The following SHQ1 variants were observed in gnomAD, a reference collection of about 807,000 sequenced individuals.
SHQ1 encodes SHQ1, H/ACA ribonucleoprotein assembly factor.
Under a neutral mutation model 53.8 loss-of-function variants are expected in SHQ1, and 49 were observed. The ratio of observed to expected loss-of-function variants is 0.91; its 90% CI spans 0.72 to 1.16. The LOEUF (loss-of-function observed/expected upper bound fraction) is 1.16, where lower values mean the gene tolerates loss of function less well. SHQ1 is among the 50% of genes most tolerant of loss of function. The pLI is 0.00. For missense variants in SHQ1, 738 were observed against 683.1 expected (o/e 1.08, Z -0.90); for synonymous variants, 243 against 251.0 (o/e 0.97, Z 0.30).
chr3:72,784,407 G>A (rs1027968138), intron 10 of SHQ1, among the ~76,000 whole-genome samples: 3 of 152,156 alleles, frequency 2.0e-5, no homozygotes, highest in Non-Finnish European at 2.9e-5. Context: ...TGGTGATAAG[G>A]TACAGAACCA....
At chr3:72,812,634 T>C (rs1203113825) in intron 9 of SHQ1, 37 bp downstream of exon 9, 1 of 1,608,056 alleles carries the variant, frequency 6.2e-7, no homozygotes, top group South Asian at 1.1e-5. Flanking sequence ...CTTACAACTT[T>C]TTCCCTCCCA....
chr3:72,795,758 A>C (rs2062706084), intron 9 of SHQ1, among the ~76,000 whole-genome samples: 1 of 152,202 alleles, frequency 6.6e-6, no homozygotes, highest in Admixed American at 6.5e-5. Context: ...ACACCTCCAG[A>C]ATACTCTCTC....
chr3:72,733,640 C>T, the SHQ1 span, among the ~76,000 whole-genome samples: 2 of 151,638 alleles, frequency 1.3e-5, no homozygotes, highest in African/African-American at 2.4e-5. Context: ...ACCCACATTT[C>T]ACAGACATAT....
intron 8 of SHQ1, among the ~76,000 whole-genome samples, chr3:72,813,494 G>A (rs562887579): frequency 1.3e-4 from 20 of 148,170 alleles, no homozygotes; most frequent in East Asian, 6.0e-4. Flanking sequence ...GGCCGGGTGC[G>A]GTGGCTCATG....
At chr3:72,821,401 G>A (rs763349451) in intron 6 of SHQ1, among the ~76,000 whole-genome samples, 1 of 152,170 alleles carries the variant, frequency 6.6e-6, no homozygotes, top group East Asian at 1.9e-4. Context: ...GAAGCACGGC[G>A]TTTAACACTT....
At chr3:72,804,585 ACT>A (rs1251038595) in intron 9 of SHQ1, among the ~76,000 whole-genome samples, 2 of 152,132 alleles carry the variant, frequency 1.3e-5, no homozygotes, top group East Asian at 3.8e-4. Flanking sequence ...TATCCTTGTA[ACT>A]CTTCACCAAT....
At chr3:72,805,981 G>A (rs1706930477) in intron 9 of SHQ1, among the ~76,000 whole-genome samples, 1 of 152,128 alleles carries the variant, frequency 6.6e-6, no homozygotes, top group African/African-American at 2.4e-5. Flanking sequence ...AGAAGTATTA[G>A]GGGGAAAGAG....
chr3:72,753,708 A>G (rs1204539824), intron 10 of SHQ1: 2 of 859,944 alleles, frequency 2.3e-6, no homozygotes, highest in African/African-American at 3.6e-5. Flanking sequence ...CACTAGAGTC[A>G]GTTAATGATT....
intron 10 of SHQ1, 119 bp from the exon 11 acceptor site, chr3:72,750,955 A>G (rs1705353345): frequency 6.7e-6 from 5 of 745,166 alleles, no homozygotes; most frequent in Non-Finnish European, 6.3e-6. Context: ...ACACCAGGAT[A>G]TATATCATAA....
intron 10 of SHQ1, among the ~76,000 whole-genome samples, chr3:72,761,421 C>G (rs1705606870): frequency 6.6e-6 from 1 of 152,158 alleles, no homozygotes; most frequent in African/African-American, 2.4e-5. Flanking sequence ...ACCCTCCTGC[C>G]CCAGCCTCCC....
At chr3:72,834,621 T>C (rs1205668297) in intron 4 of SHQ1, among the ~76,000 whole-genome samples, 1 of 152,228 alleles carries the variant, frequency 6.6e-6, no homozygotes, top group Non-Finnish European at 1.5e-5. Flanking sequence ...TTACTGGCTG[T>C]CTCCAAACTT....
chr3:72,765,558 T>TATATATATA (rs1491541493), intron 10 of SHQ1, among the ~76,000 whole-genome samples: 5 of 63,524 alleles, frequency 7.9e-5, no homozygotes, highest in East Asian at 7.9e-4. Flanking sequence ...TATATATATA[T>TATATATATA]TTTTTTTTTT....
intron 10 of SHQ1, among the ~76,000 whole-genome samples, chr3:72,786,688 T>C (rs924417218): frequency 6.6e-6 from 1 of 152,116 alleles, no homozygotes; most frequent in Non-Finnish European, 1.5e-5. Flanking sequence ...GTATAATACA[T>C]TACATCTGCA....
chr3:72,755,163 C>A (rs79120387), intron 10 of SHQ1, among the ~76,000 whole-genome samples: 2 of 151,982 alleles, frequency 1.3e-5, no homozygotes, highest in African/African-American at 4.8e-5. Flanking sequence ...CCAGCTGATG[C>A]GAACTTTTAT....
chr3:72,794,077 G>A (rs547147903), intron 9 of SHQ1: 2 of 152,256 alleles, frequency 1.3e-5, no homozygotes, highest in East Asian at 3.9e-4. Flanking sequence ...ATCTAGAGTA[G>A]TACCATTTTC....
In SHQ1 at chr3:72,848,252, T is replaced by G. The variant is rs1708415823; in HGVS notation, c.89A>C (p.Asp30Ala). The change falls in exon 1 of 11, where the codon GAC (aspartate) becomes GCC (alanine). Residue 30 changes from aspartate to alanine, a missense_variant. Coordinates refer to ENST00000325599, the MANE Select transcript of SHQ1 (RefSeq NM_018130.3). Reference sequence around the variant, plus strand: ...GAAGTCAGACCCCTCGAAGTAGACGTCGAACTCGGAGACCCGGGCGTAGGG... The same window carrying G: ...GAAGTCAGACCCCTCGAAGTAGACGGCGAACTCGGAGACCCGGGCGTAGGG... ...RVPYARVSEF[D>A]VYFEGSDFKF... 6.2e-7 allele frequency: 1 copy of G among 1,613,994 alleles called. No homozygotes were observed.
chr3:72,735,963 A>G, the SHQ1 span, among the ~76,000 whole-genome samples: 26 of 152,240 alleles, frequency 1.7e-4, no homozygotes, highest in African/African-American at 6.3e-4. Context: ...TCTTTTCCAG[A>G]AAGGTTTTCC....
At chr3:72,845,210 G>A (rs968877673) in intron 1 of SHQ1, among the ~76,000 whole-genome samples, 4 of 152,164 alleles carry the variant, frequency 2.6e-5, no homozygotes, top group Admixed American at 2.6e-4. Flanking sequence ...TTGGCTGGGC[G>A]TGGTGGCTTA....
In SHQ1 at chr3:72,750,702, G is replaced by A; in HGVS notation, c.1316C>T (p.Ala439Val). Residue 439 changes from alanine to valine, a missense_variant, in exon 11 of 11, where the codon GCC (alanine) becomes GTC (valine). Ala to Val is a moderately conservative substitution (Grantham distance 64, BLOSUM62 0). Transcript: ENST00000325599. ...VQEEETALKA[A>V]HSVSGQQTLC... ...TGTCTGCTGCCCAGAAACTGAATGG[G>A]CTGCTTTTAATGCAGTTTCTTCCTC... is the stretch of plus-strand genomic sequence containing the variant. The A allele has an allele frequency of 6.3e-7, 1 of 1,587,432 alleles. No individual in the cohort carries two copies. The highest frequency in any genetic ancestry group is 2.3e-5 in the East Asian group (1 of 43,148).
Sources: gnomAD v4.1 joint callset for allele counts (sites outside exome capture counted in the v4.1 genomes callset) on GRCh38, gnomAD v4.1.1 for gene constraint, MANE v1.5 for transcripts, NCBI Gene and HGNC (gene_info 2026-07-23, HGNC 2026-07-21) for gene names.